MSR1: variants seen among roughly 807,000 people sequenced by gnomAD.
MSR1 encodes macrophage scavenger receptor 1, also known as macrophage scavenger receptor types I and II.
MSR1 carries 53 observed loss-of-function variants against 47.2 expected under a neutral mutation model. The ratio of observed to expected loss-of-function variants is 1.12; its 90% confidence interval spans 0.90 to 1.41. The LOEUF is 1.41. Among genes scored for constraint, MSR1 ranks in the 40% most tolerant of loss-of-function variants. The pLI, the probability that MSR1 is intolerant of heterozygous loss-of-function variation, is 0.00. For missense variants in MSR1, 786 were observed against 546.9 expected (o/e 1.44, Z -4.36); for synonymous variants, 239 against 185.6 (o/e 1.29, Z -2.34).
chr8:16,144,641 A>C (rs2117117526), intron 7 of MSR1, among the ~76,000 whole-genome samples: 1 of 152,200 alleles, frequency 6.6e-6, no homozygotes, highest in South Asian at 2.1e-4. Context: ...AAGTCTTTAA[A>C]TCTTTCTGAG....
intron 8 of MSR1, among the ~76,000 whole-genome samples, chr8:16,137,849 A>G (rs1208554730): frequency 6.6e-6 from 1 of 151,886 alleles, no homozygotes. Context: ...TTAAATAGCC[A>G]AGCATGGTGG....
intron 3 of MSR1, among the ~76,000 whole-genome samples, chr8:16,174,741 C>G (rs1801590179): frequency 6.6e-6 from 1 of 152,020 alleles, no homozygotes. Context: ...TTTCTGCTCT[C>G]AGTACTAAGA....
At chr8:16,185,746 G>A (rs190409909) in intron 1 of MSR1, among the ~76,000 whole-genome samples, 1 of 151,604 alleles carries the variant, frequency 6.6e-6, no homozygotes, top group African/African-American at 2.4e-5. Context: ...GAAAATCCAA[G>A]GGCATTAAGA....
chr8:16,130,287 G>C (rs1800226085), intron 8 of MSR1, among the ~76,000 whole-genome samples: 1 of 152,108 alleles, frequency 6.6e-6, no homozygotes, highest in Non-Finnish European at 1.5e-5. Context: ...TGGTAATTCT[G>C]TGTCCTGCAA....
intron 5 of MSR1, among the ~76,000 whole-genome samples, chr8:16,159,868 G>A (rs970340140): frequency 3.3e-5 from 5 of 151,912 alleles, no homozygotes; most frequent in African/African-American, 4.8e-5. Flanking sequence ...CATCTTAGAT[G>A]GACTTTGAAT....
chr8:16,139,650 T>C (rs1800477006), intron 8 of MSR1: 11 of 973,078 alleles, frequency 1.1e-5, no homozygotes, highest in Non-Finnish European at 1.2e-5. Context: ...ATGATCAAAA[T>C]ATTTTTGTTT....
chr8:16,172,922 T>A (rs1801528911), intron 3 of MSR1, among the ~76,000 whole-genome samples: 1 of 152,192 alleles, frequency 6.6e-6, no homozygotes, highest in Admixed American at 6.5e-5. Context: ...CTGTCTACAT[T>A]TGTAATTTTT....
In MSR1 at chr8:16,175,177, G is replaced by T; in HGVS notation, c.217+10C>A. ...GAGTTACTAAATTTCAAAACTCTGG[G>T]TTACGTTACCTGCCACTATTCCAAT... On this transcript the variant is annotated intron_variant, in intron 3 of 9. Coordinates refer to ENST00000262101, the MANE Select transcript of MSR1 (RefSeq NM_138715.3). 1.2e-6 allele frequency: 2 copies of T among 1,609,870 alleles called. No homozygotes were observed. The highest frequency in any genetic ancestry group is 1.7e-6 in the Non-Finnish European group (2 of 1,176,320).
chr8:16,124,228 G>A (rs1337961650), intron 8 of MSR1, among the ~76,000 whole-genome samples: 1 of 152,124 alleles, frequency 6.6e-6, no homozygotes, highest in Non-Finnish European at 1.5e-5. Context: ...AGAATGGGGA[G>A]GCATTTCCTT....
chr8:16,115,868 T>G (rs1413971465), intron 9 of MSR1, among the ~76,000 whole-genome samples: 1 of 152,048 alleles, frequency 6.6e-6, no homozygotes, highest in Non-Finnish European at 1.5e-5. Context: ...AGGCCTGTGG[T>G]CCCGAGAAAC....
At chr8:16,136,204 T>G (rs1800386298) in intron 8 of MSR1, among the ~76,000 whole-genome samples, 1 of 152,152 alleles carries the variant, frequency 6.6e-6, no homozygotes, top group African/African-American at 2.4e-5. Context: ...AAATCTCTCA[T>G]GAGGAGAAGA....
At chr8:16,178,604 C>T (rs1801731471) in intron 1 of MSR1, among the ~76,000 whole-genome samples, 1 of 152,142 alleles carries the variant, frequency 6.6e-6, no homozygotes, top group Admixed American at 6.5e-5. Context: ...ATTTATAATC[C>T]TTTGGGTATA....
At chr8:16,150,578 T>G (rs185071516) in intron 6 of MSR1, among the ~76,000 whole-genome samples, 1 of 152,202 alleles carries the variant, frequency 6.6e-6, no homozygotes, top group East Asian at 1.9e-4. Context: ...AAATAGATCT[T>G]GGAGTTTTAA....
chr8:16,116,209 G>A (rs370686783), intron 9 of MSR1, among the ~76,000 whole-genome samples: 2 of 152,146 alleles, frequency 1.3e-5, no homozygotes, highest in African/African-American at 4.8e-5. Context: ...CTTTCCATAT[G>A]CTAGTTAACT....
At chr8:16,137,833 AT>A (rs1800429117) in intron 8 of MSR1, among the ~76,000 whole-genome samples, 1 of 151,762 alleles carries the variant, frequency 6.6e-6, no homozygotes, top group Non-Finnish European at 1.5e-5. Flanking sequence ...TTTTATTTTT[AT>A]TTTTTTAAAT....
Position 16,114,590 on chromosome 8 carries a change from C to T in MSR1, c.1223-4372G>A, listed in dbSNP as rs1017260383. Among the ~76,000 whole-genome samples the T allele has an allele frequency of 2.0e-5, 3 of 152,120 alleles. No homozygotes were observed. In the East Asian group the frequency reaches 5.8e-4, roughly 29 times the overall value. On this transcript the variant is annotated intron_variant, in intron 9 of 9. Coordinates refer to ENST00000262101, the MANE Select transcript of MSR1 (RefSeq NM_138715.3). ...CAAAAAGTGACTCACTCTCCTTTCC[C>T]TGCCCTGTGCATTGATAAACAGTAG...
At chr8:16,175,472 C>T (rs141813358) in intron 2 of MSR1, among the ~76,000 whole-genome samples, 172 bp from the exon 3 acceptor site, 1 of 152,150 alleles carries the variant, frequency 6.6e-6, no homozygotes, top group African/African-American at 2.4e-5. Flanking sequence ...ACAGGAAAAG[C>T]CAATCCAGGT....
At chr8:16,120,377 AAAC>A (rs772832179) in intron 9 of MSR1, 38 bp downstream of exon 9, 32 of 1,605,674 alleles carry the variant, frequency 2.0e-5, no homozygotes, top group Middle Eastern at 1.6e-4. Flanking sequence ...ACTCTGTCTG[AAAC>A]AACAACAACA....
chr8:16,144,862 T>C (rs1392184530), intron 7 of MSR1, among the ~76,000 whole-genome samples: 1 of 152,080 alleles, frequency 6.6e-6, no homozygotes, highest in Non-Finnish European at 1.5e-5. Flanking sequence ...GTTCATTTTA[T>C]ATGGTACAAT....
Sources: gnomAD v4.1 joint callset for allele counts (sites outside exome capture counted in the v4.1 genomes callset) on GRCh38, gnomAD v4.1.1 for gene constraint, MANE v1.5 for transcripts, NCBI Gene and HGNC (gene_info 2026-07-23, HGNC 2026-07-21) for gene names.